Variants in CHD1 observed in about 807,000 individuals in gnomAD.
The protein encoded by CHD1 is ATP-dependent chromatin remodeler CHD1.
In CHD1, 36 loss-of-function variants were observed where a neutral mutation model predicts 224.2. That is an observed-to-expected ratio of 0.16 (90% CI 0.12 to 0.21). The LOEUF (loss-of-function observed/expected upper bound fraction) is 0.21, where lower values mean the gene tolerates loss of function less well. Ranked by LOEUF, CHD1 falls within the 10% of genes least tolerant of loss-of-function variation. The pLI, the probability that CHD1 is intolerant of heterozygous loss-of-function variation, is 1.00. For synonymous variants in CHD1, 668 were observed against 658.3 expected, an observed-to-expected ratio of 1.01 and a Z score of -0.23; for missense variants, 1,378 against 1,994.8, an observed-to-expected ratio of 0.69 and a Z score of 5.89.
Position 98,895,086 on chromosome 5 carries a change from G to A in CHD1, c.1711-400C>T, listed in dbSNP as rs1035169539. ...TCCACCTACCTTGGCCTCCCAAAGC[G>A]CTGGGATTACAGGCATGAGCCGGCA... On this transcript the variant is annotated intron_variant, in intron 12 of 35. Transcript: ENST00000614616. 5.3e-5 allele frequency among the ~76,000 whole-genome samples: 8 copies of A among 152,100 alleles called. No individual in the cohort carries two copies. The South Asian group carries it at 6.2e-4, about 12-fold the overall frequency.
chr5:98,903,855 C>G lies in CHD1; in HGVS notation c.309G>C (p.Lys103Asn), dbSNP rs1198416000. 1.9e-6 allele frequency: 3 copies of G among 1,613,132 alleles called. No homozygotes were observed. The Admixed American group carries it at 5.0e-5, about 27-fold the overall frequency. The stretch of plus-strand genomic sequence containing the variant: ...GTTGCTGCTGCTGCTGTTGCTGCTT[C>G]TTGAGGATTGCAGATCTCTGAACGG... Reference protein sequence around the residue: ...ILAVQRSAILKKQQQQQQQQQ... With the variant: ...ILAVQRSAILNKQQQQQQQQQ... Residue 103 changes from lysine (K) to asparagine (N), a missense_variant, in exon 4 of 36, where the codon AAG (lysine) becomes AAC (asparagine). Around this residue, in one of 16 missense-constraint regions of CHD1, gnomAD observed 306 missense variants for 298.1 expected, o/e 1.03. Coordinates refer to ENST00000614616, the MANE Select transcript of CHD1 (RefSeq NM_001270.4).
chr5:98,913,878 G>C (rs1752579725), intron 2 of CHD1, among the ~76,000 whole-genome samples: 4 of 151,928 alleles, frequency 2.6e-5, no homozygotes, highest in African/African-American at 7.3e-5. Flanking sequence ...AGAACTGAAA[G>C]GAAGTTCAGA....
intron 33 of CHD1, 58 bp from the exon 34 acceptor site, chr5:98,859,073 A>C: frequency 7.5e-7 from 1 of 1,331,932 alleles, no homozygotes; most frequent in Non-Finnish European, 1.0e-6. Flanking sequence ...CTTACAAAAA[A>C]GCACAGATAA....
chr5:98,888,392 T>C, intron 16 of CHD1, 152 bp from the exon 17 acceptor site: 1 of 619,358 alleles, frequency 1.6e-6, no homozygotes, highest in South Asian at 2.4e-5. Context: ...TTCTAAGACC[T>C]TTACCATTTC....
chr5:98,892,440 G>A lies in CHD1; in HGVS notation c.2180+85C>T, dbSNP rs1350096899. On this transcript the variant is annotated intron_variant, in intron 15 of 35. Coordinates refer to ENST00000614616, the MANE Select transcript of CHD1 (RefSeq NM_001270.4). The stretch of plus-strand genomic sequence containing the variant: ...AACTGCTCTAAGACACTATTGTAGA[G>A]AAGGTGGGGGCACCAAAAGCAGGAC... 5.5e-6 allele frequency: 5 copies of A among 910,336 alleles called. No homozygotes were observed. The African/African-American group carries it at 8.3e-5, about 15-fold the overall frequency. The allele number at this position is 910,336 out of a possible 1,614,324, so 56.4% of individuals were successfully genotyped here. A position where few individuals can be genotyped will look rare whatever the true frequency, so the allele number is the denominator to read the frequency against.
At position 98,888,073 on chromosome 5, in the gene CHD1, C is replaced by T; in HGVS notation, c.2496+15G>A. 6.6e-7 allele frequency: 1 copy of T among 1,509,184 alleles called. No individual in the cohort carries two copies. The highest frequency in any genetic ancestry group is 2.3e-5 in the East Asian group (1 of 43,162). 93.5% of individuals were successfully genotyped at this position (1,509,184 alleles called of 1,614,324 possible). A position where few individuals can be genotyped will look rare whatever the true frequency, so the allele number is the denominator to read the frequency against. On this transcript the variant is annotated intron_variant, in intron 17 of 35. Coordinates refer to ENST00000614616, the MANE Select transcript of CHD1 (RefSeq NM_001270.4). ...TAGATAAAATTTAAAACAACAAATA[C>T]AATTAAATGCTTACTTGAAAGGGGA...
intron 2 of CHD1, among the ~76,000 whole-genome samples, chr5:98,910,649 C>T (rs1054318275): frequency 2.0e-5 from 3 of 152,064 alleles, no homozygotes; most frequent in Admixed American, 6.6e-5. Flanking sequence ...GAGCAAATTA[C>T]GAATAAGAAT....
rs548381672 is a variant in CHD1, at chr5:98,856,668, G to T, written c.4845C>A (p.His1615Gln). 1 of 1,613,592 alleles carries T rather than the reference G, an allele frequency of 6.2e-7. No homozygotes were observed. The highest frequency in any genetic ancestry group is 2.2e-5 in the East Asian group (1 of 44,868). The stretch of plus-strand genomic sequence containing the variant: ...TTAAACTTCCTTCCAAATTTGACCT[G>T]TGATCTCTACTCCTGTGATCATCCA... ...RKLDDHRSRD[H>Q]RSNLEGSLKD... is the part of the protein sequence containing the mutation. Residue 1615 changes from histidine (H) to glutamine (Q), a missense_variant, in exon 36 of 36, where the codon CAC (histidine) becomes CAA (glutamine). Transcript: ENST00000614616.
At chr5:98,876,681 T>A (rs1039173526) in intron 23 of CHD1, 123 bp from the exon 24 acceptor site, 3 of 780,524 alleles carry the variant, frequency 3.8e-6, no homozygotes, top group Non-Finnish European at 6.0e-6. Flanking sequence ...AAACATTCCA[T>A]AAACAAAATT....
intron 2 of CHD1, among the ~76,000 whole-genome samples, chr5:98,919,634 A>G (rs1391251478): frequency 1.3e-5 from 2 of 152,220 alleles, no homozygotes; most frequent in Non-Finnish European, 1.5e-5. Context: ...CTCAATGTTG[A>G]GTAAGGAAGT....
intron 15 of CHD1, 48 bp from the exon 16 acceptor site, chr5:98,889,286 G>T: frequency 7.4e-7 from 1 of 1,346,378 alleles, no homozygotes; most frequent in Non-Finnish European, 1.0e-6. Context: ...ACAATTACCA[G>T]GATAAATTCT....
At chr5:98,898,873 T>C (rs1751510586) in intron 8 of CHD1, 109 bp from the exon 9 acceptor site, 10 of 678,640 alleles carry the variant, frequency 1.5e-5, no homozygotes, top group South Asian at 1.1e-4. Flanking sequence ...TTTGCCACTG[T>C]GTGGGCCAAG....
chr5:98,898,464 A>G, intron 9 of CHD1, 30 bp from the exon 10 acceptor site: 1 of 1,484,978 alleles, frequency 6.7e-7, no homozygotes, highest in Non-Finnish European at 8.9e-7. Context: ...TTACTTATTT[A>G]TTTATTTTTT....
intron 2 of CHD1, among the ~76,000 whole-genome samples, chr5:98,918,771 A>C (rs966944957): frequency 2.8e-5 from 2 of 72,610 alleles, no homozygotes; most frequent in Admixed American, 1.1e-4. Context: ...AAAAAAAACA[A>C]AAAAAAAAAC....
chr5:98,923,440 G>A (rs879744563), intron 2 of CHD1, among the ~76,000 whole-genome samples: 4 of 147,704 alleles, frequency 2.7e-5, no homozygotes, highest in Non-Finnish European at 5.9e-5. Flanking sequence ...TTTTTGAGAC[G>A]GAGTTTCACT....
chr5:98,860,931 C>T (rs550577417), intron 32 of CHD1, among the ~76,000 whole-genome samples: 5 of 152,208 alleles, frequency 3.3e-5, no homozygotes, highest in South Asian at 2.1e-4. Flanking sequence ...CTACATTCTA[C>T]GATTAACTTA....
At chr5:98,919,833 C>T (rs112629575) in intron 2 of CHD1, among the ~76,000 whole-genome samples, 2 of 152,110 alleles carry the variant, frequency 1.3e-5, no homozygotes, top group African/African-American at 4.8e-5. Flanking sequence ...CTACTTTGTT[C>T]ACTGAGAGGA....
intron 34 of CHD1, chr5:98,858,600 T>A: frequency 1.9e-6 from 1 of 514,170 alleles, no homozygotes; most frequent in Non-Finnish European, 3.4e-6. Context: ...TCACAAAAAC[T>A]AAAAAATATG....
intron 19 of CHD1, among the ~76,000 whole-genome samples, chr5:98,882,768 C>CA (rs1750287470): frequency 6.6e-6 from 1 of 152,058 alleles, no homozygotes; most frequent in Non-Finnish European, 1.5e-5. Flanking sequence ...ATATGCTACT[C>CA]AAACTCCCTT....
Sources: gnomAD v4.1 joint callset for allele counts (sites outside exome capture counted in the v4.1 genomes callset) on GRCh38, gnomAD v4.1.1 for gene constraint, gnomAD v4.1.1 regional missense constraint, MANE v1.5 for transcripts, NCBI Gene and HGNC (gene_info 2026-07-23, HGNC 2026-07-21) for gene names.